Variants in FANCD2 observed in about 807,000 individuals in gnomAD.
FANCD2 encodes the protein Fanconi anemia group D2 protein.
Under a neutral mutation model 192.3 loss-of-function variants are expected in FANCD2, and 131 were observed. The ratio of observed to expected loss-of-function variants is 0.68; its 90% CI spans 0.59 to 0.79. The LOEUF is 0.79. Among genes scored for constraint, FANCD2 ranks in the 30% least tolerant of loss-of-function variants. The pLI is 0.00. For synonymous variants in FANCD2, 524 were observed against 612.5 expected, an observed-to-expected ratio of 0.86 and a Z score of 2.13; for missense variants, 1,508 against 1,701.6, an observed-to-expected ratio of 0.89 and a Z score of 2.00.
intron 29 of FANCD2, among the ~76,000 whole-genome samples, chr3:10,075,782 G>T (rs1693503847): frequency 7.1e-6 from 1 of 140,192 alleles, no homozygotes; most frequent in Non-Finnish European, 1.5e-5. Flanking sequence ...ACAGGCTGGA[G>T]TGCGGTGGTG....
At chr3:10,038,381 C>T (rs2086782298) in intron 7 of FANCD2, among the ~76,000 whole-genome samples, 1 of 151,954 alleles carries the variant, frequency 6.6e-6, no homozygotes, top group South Asian at 2.1e-4. Flanking sequence ...AGATTGGCTG[C>T]AATAACAAGG....
chr3:10,050,839 C>T, intron 17 of FANCD2, among the ~76,000 whole-genome samples: 1 of 152,090 alleles, frequency 6.6e-6, no homozygotes, highest in Admixed American at 6.6e-5. Flanking sequence ...GTAATACCAG[C>T]ACTTTGGGAG....
At chr3:10,067,459 C>G (rs1289709283) in intron 26 of FANCD2, 142 bp downstream of exon 26, 4 of 652,066 alleles carry the variant, frequency 6.1e-6, no homozygotes, top group Non-Finnish European at 8.3e-6. Context: ...AACATTGATA[C>G]AAAAATCCTA....
At chr3:10,077,676 C>T (rs1233981213) in intron 29 of FANCD2, among the ~76,000 whole-genome samples, 1 of 151,960 alleles carries the variant, frequency 6.6e-6, no homozygotes, top group Admixed American at 6.6e-5. Flanking sequence ...TTGCTCAAGC[C>T]CAGGAGTTTG....
chr3:10,042,514 T>C (rs2086890473), intron 10 of FANCD2, 45 bp from the exon 11 acceptor site: 2 of 1,349,404 alleles, frequency 1.5e-6, no homozygotes, highest in Non-Finnish European at 1.1e-6. Flanking sequence ...AAAGTTGAGG[T>C]AGTGACATGA....
intron 40 of FANCD2, 38 bp from the exon 41 acceptor site, chr3:10,095,162 G>T: frequency 6.6e-7 from 1 of 1,513,302 alleles, no homozygotes; most frequent in Non-Finnish European, 9.2e-7. Context: ...ATGAAATCAG[G>T]ACATTTCATA....
intron 7 of FANCD2, chr3:10,037,741 A>G (rs1240990281): frequency 2.6e-5 from 4 of 152,234 alleles, no homozygotes; most frequent in African/African-American, 9.6e-5. Context: ...AATAATTGTA[A>G]AAAGAATTAG....
At chr3:10,029,731 C>A (rs536732710) in intron 2 of FANCD2, among the ~76,000 whole-genome samples, 52 of 152,248 alleles carry the variant, frequency 3.4e-4, no homozygotes, top group Non-Finnish European at 5.0e-4. Flanking sequence ...ATCCCTAACC[C>A]CCCTTCCACC....
intron 5 of FANCD2, 37 bp downstream of exon 5, chr3:10,034,835 G>T: frequency 6.8e-7 from 1 of 1,477,240 alleles, no homozygotes; most frequent in South Asian, 1.2e-5. Context: ...CTGAAATTCA[G>T]TCTGTTTTGC....
intron 20 of FANCD2, 73 bp downstream of exon 20, chr3:10,062,284 A>C: frequency 1.6e-6 from 2 of 1,238,466 alleles, no homozygotes; most frequent in South Asian, 1.3e-5. Context: ...TCTGTCACCC[A>C]ACCTGCAGTG....
At chr3:10,074,916 T>TTGC (rs144258025) in intron 29 of FANCD2, among the ~76,000 whole-genome samples, 2 of 151,676 alleles carry the variant, frequency 1.3e-5, no homozygotes, top group African/African-American at 4.9e-5. Flanking sequence ...TACATTTAGG[T>TTGC]TACTACTACT....
At chr3:10,065,590 A>T (rs1247321585) in intron 24 of FANCD2, 96 bp downstream of exon 24, 6 of 866,242 alleles carry the variant, frequency 6.9e-6, no homozygotes, top group Non-Finnish European at 1.2e-5. Context: ...TGTGGGGAGG[A>T]ATTTTCTAAC....
intron 30 of FANCD2, 125 bp from the exon 31 acceptor site, chr3:10,080,975 A>T (rs1693800148): frequency 3.0e-6 from 3 of 1,013,268 alleles, no homozygotes; most frequent in Admixed American, 1.7e-5. Context: ...GTCTTAGGTT[A>T]ACAACTCATT....
At chr3:10,027,748 A>G (rs1475618637) in intron 1 of FANCD2, among the ~76,000 whole-genome samples, 2 of 151,868 alleles carry the variant, frequency 1.3e-5, no homozygotes, top group Admixed American at 6.6e-5. Context: ...TACTAAAAAT[A>G]CAAAAAATTA....
At chr3:10,029,923 ACAGGCGC>A (rs1015054194) in intron 2 of FANCD2, among the ~76,000 whole-genome samples, 1 of 151,638 alleles carries the variant, frequency 6.6e-6, no homozygotes, top group African/African-American at 2.4e-5. Context: ...AGCTGGGATT[ACAGGCGC>A]CAGCCACCAT....
rs377626796 is a variant in FANCD2 at position 10,094,291 on chromosome 3, T to C, written c.3891T>C (p.Tyr1297=). The C allele has an allele frequency of 3.7e-6, 6 of 1,613,828 alleles. No individual in the cohort carries two copies. In the Admixed American group the frequency reaches 1.0e-4, roughly 27 times the overall value. ...SHPVLHVCLK[Y]GRLFVEAFLK... ...AACAGTGTGTCTCTCTTCTTCAGTA[T>C]GGGCGTCTCTTTGTGGAAGCATTTC... The change falls in exon 40 of 44, where the codon TAT becomes TAC. Residue 1297 remains tyrosine (Y), a splice_region_variant and synonymous_variant. Transcript: ENST00000675286.
At chr3:10,085,219 C>T (rs758567168) in intron 32 of FANCD2, among the ~76,000 whole-genome samples, 1 of 152,016 alleles carries the variant, frequency 6.6e-6, no homozygotes, top group Non-Finnish European at 1.5e-5. Flanking sequence ...AAACCTATGG[C>T]CCAGGCGTGG....
At chr3:10,090,532 T>C (rs1694536005) in intron 37 of FANCD2, 147 bp downstream of exon 37, 2 of 571,814 alleles carry the variant, frequency 3.5e-6, no homozygotes, top group Admixed American at 2.8e-5. Context: ...TGATCTCGGC[T>C]CACTGCAACC....
intron 29 of FANCD2, among the ~76,000 whole-genome samples, chr3:10,076,189 C>G (rs1025118770): frequency 1.3e-5 from 2 of 151,958 alleles, no homozygotes; most frequent in Non-Finnish European, 2.9e-5. Flanking sequence ...ACTCTGGGGT[C>G]CTGCCCAGAG....
Sources: allele counts gnomAD v4.1 joint callset (sites outside exome capture counted in the v4.1 genomes callset), GRCh38; gene constraint gnomAD v4.1.1; transcripts MANE v1.5; gene names NCBI Gene and HGNC (gene_info 2026-07-23, HGNC 2026-07-21).